Variants in MTUS1 observed in about 807,000 individuals in gnomAD.
MTUS1 encodes microtubule associated scaffold protein 1, also known as microtubule-associated tumor suppressor 1.
In MTUS1, 109 loss-of-function variants were observed where a neutral mutation model predicts 120.8. That is an observed-to-expected ratio of 0.90 (90% CI 0.77 to 1.06). The LOEUF is 1.06. MTUS1 is among the 50% of genes least tolerant of loss of function. The probability of loss-of-function intolerance (pLI) is 0.00; values close to 1 mark genes in which losing one functional copy is unlikely to be tolerated. For synonymous variants in MTUS1, 737 were observed against 550.5 expected (o/e 1.34, Z -4.74); for missense variants, 2,210 against 1,486.3 (o/e 1.49, Z -8.01).
At chr8:17,740,918 T>C (rs981027414) in intron 3 of MTUS1, among the ~76,000 whole-genome samples, 2 of 152,166 alleles carry the variant, frequency 1.3e-5, no homozygotes, top group African/African-American at 4.8e-5. Flanking sequence ...CAGGCTGGGG[T>C]GCAATGGTGC....
upstream of MTUS1, chr8:17,801,242 G>A (rs142323734): frequency 0.039 from 5,957 of 151,194 alleles, 139 homozygotes; most frequent in South Asian, 0.05. Flanking sequence ...GGGACCCGGA[G>A]CCCCGGCCTC....
intron 6 of MTUS1, among the ~76,000 whole-genome samples, chr8:17,696,619 T>C (rs1818022332): frequency 6.6e-6 from 1 of 152,258 alleles, no homozygotes; most frequent in Non-Finnish European, 1.5e-5. Flanking sequence ...GCCTAAAATA[T>C]ATACTAAATT....
chr8:17,773,603 G>T (rs541245552), intron 1 of MTUS1, among the ~76,000 whole-genome samples: 1 of 152,208 alleles, frequency 6.6e-6, no homozygotes, highest in East Asian at 1.9e-4. Context: ...ATGGAGAAGG[G>T]CATCACATAG....
At chr8:17,721,578 A>G in intron 4 of MTUS1, 1 of 1,110,292 alleles carries the variant, frequency 9.0e-7, no homozygotes, top group Non-Finnish European at 1.2e-6. Flanking sequence ...ATATACATAC[A>G]AAATGCCCCC....
At chr8:17,677,630 G>C (rs143690199) in intron 7 of MTUS1, among the ~76,000 whole-genome samples, 102 of 152,150 alleles carry the variant, frequency 6.7e-4, no homozygotes, top group Middle Eastern at 3.4e-3. Context: ...CAAGCATGTC[G>C]ACATTTCCCC....
chr8:17,779,914 CTCAACTG>C lies in MTUS1; in HGVS notation c.-155+21140_-155+21146del, dbSNP rs1431225636. ...TTCCCCAAAGCTCCAGGTTTGAATT[CTCAACTG>C]TCAATGTGACATCTCCACTTACATG... On this transcript the variant is annotated intron_variant, in intron 1 of 14. Coordinates refer to ENST00000693296, the MANE Select transcript of MTUS1 (RefSeq NM_001363059.2). Among the ~76,000 whole-genome samples the C allele has an allele frequency of 3.3e-5, 5 of 152,214 alleles. 1 individual carries two copies. The South Asian group carries it at 1.0e-3, about 32-fold the overall frequency.
chr8:17,703,429 C>A (rs545999244), intron 6 of MTUS1, among the ~76,000 whole-genome samples: 2 of 152,062 alleles, frequency 1.3e-5, no homozygotes, highest in Admixed American at 6.5e-5. Flanking sequence ...GTCAGGAGAT[C>A]GAGACCATCC....
intron 1 of MTUS1, among the ~76,000 whole-genome samples, chr8:17,774,409 G>A (rs1357835531): frequency 1.3e-5 from 2 of 152,152 alleles, no homozygotes; most frequent in Non-Finnish European, 2.9e-5. Context: ...TAAGGACTGG[G>A]GAAGAAAATG....
At chr8:17,674,066 T>G (rs111571012) in intron 8 of MTUS1, among the ~76,000 whole-genome samples, 4,539 of 152,164 alleles carry the variant, frequency 0.03, 170 homozygotes, top group South Asian at 0.15. Context: ...GGAAGTTGAT[T>G]CTCTAGGTTG....
intron 2 of MTUS1, 135 bp from the exon 3 acceptor site, chr8:17,743,934 A>C: frequency 1.5e-6 from 1 of 673,476 alleles, no homozygotes; most frequent in Non-Finnish European, 2.5e-6. Flanking sequence ...GATGGCAAAG[A>C]GGTCAGACAT....
intron 2 of MTUS1, among the ~76,000 whole-genome samples, chr8:17,745,278 A>C (rs902902828): frequency 6.6e-6 from 1 of 152,174 alleles, no homozygotes; most frequent in African/African-American, 2.4e-5. Context: ...GGACACTCAA[A>C]TCTCTTATAT....
chr8:17,677,097 G>C (rs2130677757), intron 7 of MTUS1, among the ~76,000 whole-genome samples: 1 of 152,220 alleles, frequency 6.6e-6, no homozygotes, highest in Admixed American at 6.5e-5. Flanking sequence ...TAAAAATATG[G>C]CATTAAGTTG....
chr8:17,742,950 G>A lies in MTUS1; in HGVS notation c.2287+654C>T, dbSNP rs1453666321. Among the ~76,000 whole-genome samples the A allele has an allele frequency of 2.9e-4, 44 of 152,098 alleles. 1 individual carries two copies. ...CTTTGCAAGATGTTCTCAGTCAATT[G>A]GAATGGCTAGCAGGCTTTTCATCCC... On this transcript the variant is annotated intron_variant, in intron 3 of 14. Coordinates refer to ENST00000693296, the MANE Select transcript of MTUS1 (RefSeq NM_001363059.2).
chr8:17,721,794 A>G, intron 4 of MTUS1: 1 of 1,614,212 alleles, frequency 6.2e-7, no homozygotes, highest in Non-Finnish European at 8.5e-7. Context: ...ATAAGGTAGC[A>G]TCATAGTGCC....
In MTUS1 at chr8:17,772,257, CAT is replaced by C. The variant is rs367728673; in HGVS notation, c.-154-16298_-154-16297del. On this transcript the variant is annotated intron_variant, in intron 1 of 14. Coordinates refer to ENST00000693296, the MANE Select transcript of MTUS1 (RefSeq NM_001363059.2). ...GGAATGCCTATAGAAACTAGACACA[CAT>C]GTACAAAACAAAATAACTGAAACAT... Among the ~76,000 whole-genome samples, 134 of 152,264 alleles carry C rather than the reference CAT, an allele frequency of 8.8e-4. 1 individual carries two copies. Among genetic ancestry groups the C allele is most frequent in the African/African-American group, 3.1e-3 (129 of 41,568 alleles).
At chr8:17,732,977 A>G (rs936819789) in intron 3 of MTUS1, among the ~76,000 whole-genome samples, 2 of 152,068 alleles carry the variant, frequency 1.3e-5, no homozygotes, top group East Asian at 3.9e-4. Context: ...TCTACTCCCA[A>G]CACAACTCTC....
chr8:17,771,283 G>C (rs1428235256), intron 1 of MTUS1, among the ~76,000 whole-genome samples: 3 of 152,208 alleles, frequency 2.0e-5, no homozygotes, highest in African/African-American at 7.2e-5. Flanking sequence ...TGATGAGGAA[G>C]GGGAGGCAGG....
Position 17,687,184 on chromosome 8 carries a change from G to A in MTUS1, c.2624-2642C>T, listed in dbSNP as rs916204353. On this transcript the variant is annotated intron_variant, in intron 6 of 14. Transcript: ENST00000693296. The stretch of plus-strand genomic sequence containing the variant: ...AATGAGCCAACAGACTGCCCTCTCC[G>A]TGGCGCTGGAAACTCGTGCTGTGCA... 3.3e-5 allele frequency among the ~76,000 whole-genome samples: 5 copies of A among 152,122 alleles called. No homozygotes were observed. In the South Asian group the frequency reaches 6.2e-4, roughly 19 times the overall value.
intron 1 of MTUS1, among the ~76,000 whole-genome samples, chr8:17,768,186 G>A (rs1312265078): frequency 6.6e-6 from 1 of 152,212 alleles, no homozygotes. Flanking sequence ...ATTCTAGAGA[G>A]ATACACGAAG....
Sources: gnomAD v4.1 joint callset for allele counts (sites outside exome capture counted in the v4.1 genomes callset) on GRCh38, gnomAD v4.1.1 for gene constraint, MANE v1.5 for transcripts, NCBI Gene and HGNC (gene_info 2026-07-23, HGNC 2026-07-21) for gene names.